The following LRP5 variants were observed in gnomAD, a reference collection of about 807,000 sequenced individuals.
LRP5 encodes the protein LDL receptor related protein 5, also known as low-density lipoprotein receptor-related protein 5.
A neutral mutation model predicts 154.1 loss-of-function variants in LRP5; 62 were observed. That is an observed-to-expected ratio of 0.40 (90% CI 0.33 to 0.50). The LOEUF (loss-of-function observed/expected upper bound fraction) is 0.50. LRP5 is among the 20% of genes least tolerant of loss of function. The probability of loss-of-function intolerance (pLI) is 0.55; values close to 1 mark genes in which losing one functional copy is unlikely to be tolerated. For synonymous variants in LRP5, 966 were observed against 1,011.5 expected, an observed-to-expected ratio of 0.96 and a Z score of 0.85; for missense variants, 1,915 against 2,336.7, an observed-to-expected ratio of 0.82 and a Z score of 3.72.
chr11:68,364,893 G>C (rs1225942410), intron 4 of LRP5, among the ~76,000 whole-genome samples: 1 of 150,194 alleles, frequency 6.7e-6, no homozygotes, highest in Non-Finnish European at 1.5e-5. Flanking sequence ...TGAGTTTGTT[G>C]TTCCAGTTAT....
chr11:68,432,341 C>T (rs1464877553), intron 17 of LRP5, among the ~76,000 whole-genome samples: 1 of 152,248 alleles, frequency 6.6e-6, no homozygotes, highest in Non-Finnish European at 1.5e-5. Flanking sequence ...CCCCCATGGC[C>T]AGGCACGGCT....
intron 4 of LRP5, among the ~76,000 whole-genome samples, chr11:68,364,546 A>T (rs904648950): frequency 6.6e-6 from 1 of 152,010 alleles, no homozygotes; most frequent in African/African-American, 2.4e-5. Context: ...TTTATCAATG[A>T]ATAATCTGCC....
intron 5 of LRP5, among the ~76,000 whole-genome samples, chr11:68,385,086 G>T (rs1002223451): frequency 7.2e-5 from 11 of 152,198 alleles, no homozygotes; most frequent in Admixed American, 7.2e-4. Flanking sequence ...GATTCAACAC[G>T]TGCAAGTCTT....
intron 21 of LRP5, among the ~76,000 whole-genome samples, chr11:68,444,831 C>A (rs1244189999): frequency 6.6e-6 from 1 of 152,090 alleles, no homozygotes; most frequent in Non-Finnish European, 1.5e-5. Context: ...TCTGCTGCCT[C>A]CCTGCCTGCT....
chr11:68,354,692 C>T (rs886669403), intron 2 of LRP5, among the ~76,000 whole-genome samples: 3 of 152,252 alleles, frequency 2.0e-5, no homozygotes, highest in South Asian at 2.1e-4. Flanking sequence ...ATATGATGGC[C>T]GGGCTCGGGC....
chr11:68,302,899 G>A, the LRP5 span, among the ~76,000 whole-genome samples: 2 of 152,186 alleles, frequency 1.3e-5, no homozygotes, highest in African/African-American at 4.8e-5. Context: ...GTGCCCACAA[G>A]AGCCTGTGAG....
Position 68,312,718 on chromosome 11 carries a change from G to T in LRP5, c.4G>T (p.Glu2Ter). Residue 2 changes from glutamate to a stop codon, truncating the protein, a stop_gained, in exon 1 of 23, where the codon GAG (glutamate) becomes TAG (stop). Transcript: ENST00000294304. LOFTEE classifies it high-confidence loss of function. ...GCCCGTCCGGCCGCCGGACAACATG[G>T]AGGCAGCGCCGCCCGGGCCGCCGTG... M[E>*]AAPPGPPWPL... The T allele has an allele frequency of 9.6e-7, 1 of 1,037,816 alleles. No individual in the cohort carries two copies. 64.3% of individuals were successfully genotyped at this position (1,037,816 alleles called of 1,614,324 possible).
chr11:68,345,998 C>A (rs962045504), intron 1 of LRP5, among the ~76,000 whole-genome samples: 2 of 152,042 alleles, frequency 1.3e-5, no homozygotes, highest in African/African-American at 4.8e-5. Context: ...AAGTTGTTTG[C>A]CCATTTTTGA....
chr11:68,385,932 G>A (rs1443477120), intron 5 of LRP5, among the ~76,000 whole-genome samples: 1 of 152,112 alleles, frequency 6.6e-6, no homozygotes, highest in Non-Finnish European at 1.5e-5. Context: ...CCTGGTACCC[G>A]GCGGGACTTG....
intron 9 of LRP5, among the ~76,000 whole-genome samples, chr11:68,409,073 AATAT>A (rs1174773377): frequency 1.1e-4 from 5 of 44,188 alleles, no homozygotes; most frequent in African/African-American, 3.9e-4. Flanking sequence ...AAAAAAAAAA[AATAT>A]ATATATATAT....
At chr11:68,387,119 C>CA in intron 6 of LRP5, among the ~76,000 whole-genome samples, 1 of 144,606 alleles carries the variant, frequency 6.9e-6, no homozygotes, top group Admixed American at 6.9e-5. Context: ...CTCTTTTTTT[C>CA]TTTTTTTTTT....
chr11:68,404,021 A>C, intron 8 of LRP5: 1 of 473,314 alleles, frequency 2.1e-6, no homozygotes, highest in Non-Finnish European at 3.9e-6. Context: ...TCCTTGCCCT[A>C]CTCGCACTGG....
At chr11:68,338,003 C>T (rs1205339013) in intron 1 of LRP5, among the ~76,000 whole-genome samples, 2 of 152,150 alleles carry the variant, frequency 1.3e-5, no homozygotes, top group Non-Finnish European at 2.9e-5. Flanking sequence ...ACCTTTTCTT[C>T]TTGGGTGGTT....
chr11:68,343,010 C>G (rs1228519188), intron 1 of LRP5, among the ~76,000 whole-genome samples: 1 of 152,224 alleles, frequency 6.6e-6, no homozygotes, highest in Non-Finnish European at 1.5e-5. Flanking sequence ...TGGACTGCCC[C>G]TAAGGGCAGG....
At position 68,392,903 on chromosome 11, in the gene LRP5, G is replaced by A. The variant is rs150414516; in HGVS notation, c.1584+2851G>A. ...ACATTCTGGGAGGCCAAGGCGGGAC[G>A]ATCACTTGAGGCAGGAGTTTGAGAC... is the stretch of plus-strand genomic sequence containing the variant. On this transcript the variant is annotated intron_variant, in intron 7 of 22. Coordinates refer to ENST00000294304, the MANE Select transcript of LRP5 (RefSeq NM_002335.4). 1.1e-3 allele frequency among the ~76,000 whole-genome samples: 172 copies of A among 152,134 alleles called. 1 individual carries two copies. Among genetic ancestry groups the A allele is most frequent in the African/African-American group, 2.8e-3 (115 of 41,492 alleles).
intron 1 of LRP5, among the ~76,000 whole-genome samples, chr11:68,316,489 C>T (rs906886953): frequency 1.3e-5 from 2 of 152,172 alleles, no homozygotes; most frequent in African/African-American, 2.4e-5. Flanking sequence ...CCAGGCTGGT[C>T]TTGAACTCCT....
intron 1 of LRP5, among the ~76,000 whole-genome samples, chr11:68,341,353 C>T (rs904394240): frequency 1.3e-5 from 2 of 152,034 alleles, no homozygotes; most frequent in African/African-American, 4.8e-5. Flanking sequence ...CCATCCCCCA[C>T]CCACACCCAG....
intron 5 of LRP5, among the ~76,000 whole-genome samples, chr11:68,366,073 C>G (rs1263451651): frequency 1.3e-5 from 2 of 151,998 alleles, no homozygotes; most frequent in African/African-American, 4.8e-5. Context: ...TCGGGGCGGG[C>G]CCTTCGGGAA....
chr11:68,404,279 G>A, intron 8 of LRP5: 7 of 529,386 alleles, frequency 1.3e-5, no homozygotes, highest in South Asian at 1.1e-4. Context: ...CAGGCCTGGG[G>A]CTCGCGGGCA....
Sources: allele counts gnomAD v4.1 joint callset (sites outside exome capture counted in the v4.1 genomes callset), GRCh38; gene constraint gnomAD v4.1.1; transcripts MANE v1.5; gene names NCBI Gene and HGNC (gene_info 2026-07-23, HGNC 2026-07-21).